The following ZNF582 variants were observed in gnomAD, a reference collection of about 807,000 sequenced individuals.
ZNF582 encodes zinc finger protein 582.
ZNF582 carries 14 observed loss-of-function variants against 12.3 expected under a neutral mutation model. That is an observed-to-expected ratio of 1.14 (90% CI 0.75 to 1.78). ZNF582 has a LOEUF of 1.78. Among genes scored for constraint, ZNF582 ranks in the 40% most tolerant of loss-of-function variants. The pLI, the probability that ZNF582 is intolerant of heterozygous loss-of-function variation, is 0.00. For missense variants in ZNF582, 567 were observed against 616.5 expected (o/e 0.92, Z 0.85); for synonymous variants, 210 against 207.2 (o/e 1.01, Z -0.11).
exon 5 of ZNF582, chr19:56,383,711 T>C (rs2041937280): frequency 2.3e-6 from 2 of 857,214 alleles, no homozygotes; most frequent in Non-Finnish European, 3.2e-6. Flanking sequence ...TTGACAATTA[T>C]GATCTGAACA....
rs562664105 is a variant in ZNF582 at position 56,390,554 on chromosome 19, A to C, written c.10-53T>G. On this transcript the variant is annotated intron_variant, in intron 2 of 4. Coordinates refer to ENST00000586929, the Ensembl canonical transcript of ZNF582. ...ATGTATTTCAATGGTTCACAGTGGG[A>C]TGAAAGGAGATGGGGCAGGTCTTTG... 3.3e-5 allele frequency: 53 copies of C among 1,600,432 alleles called. 1 individual carries two copies. The East Asian group carries it at 1.2e-3, about 36-fold the overall frequency.
intron 4 of ZNF582, among the ~76,000 whole-genome samples, chr19:56,389,786 T>C (rs1382908705): frequency 1.3e-5 from 2 of 152,162 alleles, no homozygotes; most frequent in Non-Finnish European, 2.9e-5. Context: ...TTGTACTCAG[T>C]CTAGCCCTAT....
chr19:56,385,070 G>C lies in ZNF582; in HGVS notation c.347C>G (p.Ser116Ter), dbSNP rs1414246060. 1.9e-6 allele frequency: 3 copies of C among 1,614,042 alleles called. No homozygotes were observed. The highest frequency in any genetic ancestry group is 2.2e-5 in the South Asian group (2 of 91,074). Residue 116 changes from serine to a stop codon, truncating the protein, a stop_gained, in exon 5 of 5, where the codon TCA (serine) becomes TGA (stop). Transcript: ENST00000586929. LOFTEE classifies it low-confidence loss of function (END_TRUNC). ...GCATTCCCAATCATCTTGGAAACTT[G>C]AACACTCAAGACCATAACTTGTAAG...
exon 5 of ZNF582, chr19:56,384,208 G>C: frequency 6.2e-7 from 1 of 1,612,734 alleles, no homozygotes; most frequent in African/African-American, 1.3e-5. Flanking sequence ...CCCGTTTGAA[G>C]GCCCTACCAC....
In ZNF582 at chr19:56,384,507, T is replaced by C. The variant is rs1388618751; in HGVS notation, c.910A>G (p.Ile304Val). The C allele has an allele frequency of 2.5e-6, 4 of 1,611,822 alleles. No individual in the cohort carries two copies. The South Asian group carries it at 4.4e-5, about 18-fold the overall frequency. Residue 304 changes from isoleucine to valine, a missense_variant, in exon 5 of 5, where the codon ATT (isoleucine) becomes GTT (valine). Coordinates refer to ENST00000586929, the Ensembl canonical transcript of ZNF582. ...GCATAGGGTTTTTCACCAGTATGAA[T>C]TCTATAATGTACTTTAAGATGTGAG...
At chr19:56,392,408 A>G (rs578078713) in intron 1 of ZNF582, among the ~76,000 whole-genome samples, 1 of 152,374 alleles carries the variant, frequency 6.6e-6, no homozygotes, top group South Asian at 2.1e-4. Flanking sequence ...GAGACAAATT[A>G]CACACAGCAC....
At chr19:56,389,063 A>G (rs2041994414) in intron 4 of ZNF582, among the ~76,000 whole-genome samples, 1 of 152,060 alleles carries the variant, frequency 6.6e-6, no homozygotes. Context: ...CACACCTTCC[A>G]TGTCTCAGCT....
chr19:56,392,942 C>A (rs1373771405), intron 1 of ZNF582, among the ~76,000 whole-genome samples: 2 of 152,126 alleles, frequency 1.3e-5, no homozygotes, highest in Admixed American at 1.3e-4. Flanking sequence ...CTTTTATAAG[C>A]ATTATTTGTA....
exon 4 of ZNF582, chr19:56,390,043 G>A (rs2042001928): frequency 3.1e-6 from 5 of 1,613,784 alleles, no homozygotes; most frequent in South Asian, 1.1e-5. Context: ...ACCATCCAGG[G>A]CTCTTTGCCT....
In ZNF582 at chr19:56,384,787, A is replaced by T. The variant is rs1256416864; in HGVS notation, c.630T>A (p.Tyr210Ter). 6.3e-7 allele frequency: 1 copy of T among 1,595,364 alleles called. No individual in the cohort carries two copies. Among genetic ancestry groups the T allele is most frequent in the Non-Finnish European group, 8.5e-7 (1 of 1,172,290 alleles). The change falls in exon 5 of 5, where the codon TAT becomes TAA. Residue 210 changes from tyrosine to a stop codon, truncating the protein, a stop_gained. Transcript: ENST00000586929. LOFTEE classifies it low-confidence loss of function (END_TRUNC). Reference sequence around the variant, plus strand: ...TCTCATGTTGAATTAGTCGTGAGCCATATTTAAAGGCCTTCCCACATTCCT... The same window carrying T: ...TCTCATGTTGAATTAGTCGTGAGCCTTATTTAAAGGCCTTCCCACATTCCT...
At chr19:56,391,199 G>A (rs913334519) in intron 2 of ZNF582, among the ~76,000 whole-genome samples, 3 of 151,970 alleles carry the variant, frequency 2.0e-5, no homozygotes, top group Non-Finnish European at 4.4e-5. Flanking sequence ...TTGCTACATC[G>A]CTCACCATCC....
At chr19:56,388,753 C>G (rs1402363752) in intron 4 of ZNF582, among the ~76,000 whole-genome samples, 1 of 152,194 alleles carries the variant, frequency 6.6e-6, no homozygotes, top group Admixed American at 6.5e-5. Flanking sequence ...CTGCTTCAGC[C>G]TCCCAAGTAG....
exon 5 of ZNF582, chr19:56,383,158 G>A (rs1444384925): frequency 6.6e-6 from 1 of 152,110 alleles, no homozygotes; most frequent in Non-Finnish European, 1.5e-5. Flanking sequence ...TATGGCTGCT[G>A]GGATGACAAC....
intron 4 of ZNF582, chr19:56,388,490 G>A (rs370849231): frequency 6.6e-6 from 1 of 152,190 alleles, no homozygotes; most frequent in South Asian, 2.1e-4. Context: ...GAAACTAGCA[G>A]GTGAATAATT....
intron 2 of ZNF582, 39 bp downstream of exon 2, chr19:56,391,705 G>T (rs780520646): frequency 6.3e-7 from 1 of 1,591,294 alleles, no homozygotes; most frequent in South Asian, 1.1e-5. Flanking sequence ...AAAGTTTCAA[G>T]ATAAGGAAAG....
At chr19:56,385,608 T>TA (rs2041959951) in intron 4 of ZNF582, among the ~76,000 whole-genome samples, 1 of 151,390 alleles carries the variant, frequency 6.6e-6, no homozygotes, top group East Asian at 1.9e-4. Flanking sequence ...GCCCAGGAGT[T>TA]AGAGGCTGTA....
intron 1 of ZNF582, among the ~76,000 whole-genome samples, chr19:56,393,008 C>T (rs183620081): frequency 6.6e-6 from 1 of 152,282 alleles, no homozygotes; most frequent in East Asian, 1.9e-4. Flanking sequence ...TCAAGTGTTT[C>T]CCCATTGCTG....
exon 2 of ZNF582, chr19:56,391,793 T>C (rs1489043263): frequency 1.2e-6 from 2 of 1,614,154 alleles, no homozygotes; most frequent in Admixed American, 3.3e-5. Flanking sequence ...CTCCTTCTGG[T>C]TCCTCTCTTG....
At chr19:56,389,355 A>ACAAGATCATG (rs1420493065) in intron 4 of ZNF582, among the ~76,000 whole-genome samples, 6 of 152,230 alleles carry the variant, frequency 3.9e-5, no homozygotes, top group Non-Finnish European at 8.8e-5. Flanking sequence ...TGGTCAAAGG[A>ACAAGATCATG]CAAGATCATG....
Sources: gnomAD v4.1 joint callset for allele counts (sites outside exome capture counted in the v4.1 genomes callset) on GRCh38, gnomAD v4.1.1 for gene constraint, MANE v1.5 for transcripts, NCBI Gene and HGNC (gene_info 2026-07-23, HGNC 2026-07-21) for gene names.